PC: variants seen among roughly 807,000 people sequenced by gnomAD.
PC encodes pyruvate carboxylase.
In PC, 46 loss-of-function variants were observed where a neutral mutation model predicts 107.8. The observed-to-expected ratio is 0.43, with a 90% CI of 0.34 to 0.55. PC has a LOEUF of 0.55. Ranked by LOEUF, PC falls within the 20% of genes least tolerant of loss-of-function variation. The pLI is 0.04. For synonymous variants in PC, 662 were observed against 684.7 expected (o/e 0.97, Z 0.52); for missense variants, 1,241 against 1,643.1 (o/e 0.76, Z 4.23).
intron 3 of PC, among the ~76,000 whole-genome samples, chr11:66,913,951 C>G (rs1443373392): frequency 6.6e-6 from 1 of 152,086 alleles, no homozygotes; most frequent in Non-Finnish European, 1.5e-5. Flanking sequence ...TGCTACTGAC[C>G]CTGAGGACAC....
At chr11:66,868,118 C>T (rs922308686) in intron 10 of PC, among the ~76,000 whole-genome samples, 2 of 152,260 alleles carry the variant, frequency 1.3e-5, no homozygotes, top group Non-Finnish European at 2.9e-5. Context: ...GAGGGCTGTT[C>T]CGAGGGATGC....
In PC at chr11:66,852,696, G is replaced by T. The variant is rs531090927; in HGVS notation, c.1604-36C>A. ...CAGGGGCATTGGTGCCCATCCTGCA[G>T]GTGGCAACCTCCTGTCTCCCCCATG... On this transcript the variant is annotated intron_variant, in intron 14 of 22. Coordinates refer to ENST00000393960, the MANE Select transcript of PC (RefSeq NM_001040716.2). This position sits in a 1 kb window ranked among gnomAD's most constrained non-coding sequence, Gnocchi z 4.7. 2.5e-6 allele frequency: 4 copies of T among 1,611,432 alleles called. No homozygotes were observed. The East Asian group carries it at 8.9e-5, about 36-fold the overall frequency.
chr11:66,864,235 G>A (rs1946398224), intron 11 of PC, among the ~76,000 whole-genome samples: 1 of 152,280 alleles, frequency 6.6e-6, no homozygotes, highest in Non-Finnish European at 1.5e-5. Flanking sequence ...CGCAGAGCGG[G>A]AGAGGGGCCC....
At chr11:66,942,885 G>A (rs1203069063) in intron 3 of PC, among the ~76,000 whole-genome samples, 1 of 151,188 alleles carries the variant, frequency 6.6e-6, no homozygotes, top group African/African-American at 2.4e-5. Flanking sequence ...GTCTGGTGGC[G>A]GGCGTCTGTA....
intron 3 of PC, among the ~76,000 whole-genome samples, chr11:66,904,684 A>G (rs951008208): frequency 2.0e-5 from 3 of 152,262 alleles, no homozygotes; most frequent in Admixed American, 6.5e-5. Flanking sequence ...TGAAAGAGAA[A>G]GGACAAATAC....
At chr11:66,940,183 T>C (rs1034398789) in intron 3 of PC, among the ~76,000 whole-genome samples, 13 of 148,444 alleles carry the variant, frequency 8.8e-5, no homozygotes, top group African/African-American at 3.2e-4. Context: ...CGAGAATACA[T>C]AGAAAGTTCC....
rs1196710763 is a variant in PC, at chr11:66,850,080, G to T, written c.2755C>A (p.Gln919Lys). 6.2e-7 allele frequency: 1 copy of T among 1,613,704 alleles called. No individual in the cohort carries two copies. Among genetic ancestry groups the T allele is most frequent in the Admixed American group, 1.7e-5 (1 of 60,030 alleles). ...PSSKIVGDLA[Q>K]FMVQNGLSRA... ...CTCAATCCATTCTGCACCATAAACT[G>T]GGCCAGGTCCCCCACGATCTTGGAG... is the stretch of plus-strand genomic sequence containing the variant. The change falls in exon 20 of 23, where the codon CAG becomes AAG. Residue 919 changes from glutamine to lysine, a missense_variant. By Grantham distance (53) the Gln-to-Lys change is moderately conservative. This residue lies in a region of PC where 1,143 missense variants were observed against 1,551.9 expected (regional missense o/e 0.74). Coordinates refer to ENST00000393960, the MANE Select transcript of PC (RefSeq NM_001040716.2).
At chr11:66,948,159 AT>A (rs935504291) in intron 3 of PC, among the ~76,000 whole-genome samples, 97 of 151,526 alleles carry the variant, frequency 6.4e-4, no homozygotes, top group African/African-American at 2.3e-3. Context: ...GTGAGCTATG[AT>A]CACGCCGCTA....
intron 12 of PC, chr11:66,859,061 C>A: frequency 6.7e-7 from 1 of 1,497,036 alleles, no homozygotes; most frequent in Non-Finnish European, 8.9e-7. Flanking sequence ...AAATCCAGTA[C>A]AACAGCAGCG....
chr11:66,894,584 G>C (rs1947684207), intron 3 of PC, among the ~76,000 whole-genome samples: 1 of 152,236 alleles, frequency 6.6e-6, no homozygotes, highest in South Asian at 2.1e-4. Flanking sequence ...CACAGCCTGG[G>C]TCTGGAGCAG....
chr11:66,892,068 C>T (rs1004051320), intron 3 of PC, among the ~76,000 whole-genome samples: 2 of 151,994 alleles, frequency 1.3e-5, no homozygotes, highest in African/African-American at 4.8e-5. Flanking sequence ...CCATGGCAGA[C>T]GCTTGGGAGG....
At chr11:66,851,372 T>C (rs115582831) in intron 16 of PC, 92 bp from the exon 17 acceptor site, 1 of 1,564,022 alleles carries the variant, frequency 6.4e-7, no homozygotes, top group Non-Finnish European at 8.7e-7. Flanking sequence ...CTATGGCCCC[T>C]GGGGAATGAG....
chr11:66,956,272 C>T (rs1362904889), intron 1 of PC, among the ~76,000 whole-genome samples: 1 of 152,096 alleles, frequency 6.6e-6, no homozygotes, highest in African/African-American at 2.4e-5. Context: ...CCTTCCTCTT[C>T]CAGTTCTAAT....
At chr11:66,912,836 G>A (rs779403787) in intron 3 of PC, among the ~76,000 whole-genome samples, 2 of 152,144 alleles carry the variant, frequency 1.3e-5, no homozygotes, top group Non-Finnish European at 2.9e-5. Context: ...ACCCTGGGGT[G>A]GGGAGGGGTC....
chr11:66,866,307 C>G lies in PC; in HGVS notation c.1065G>C (p.Arg355Ser). 6.2e-7 allele frequency: 1 copy of G among 1,613,246 alleles called. No individual in the cohort carries two copies. The highest frequency in any genetic ancestry group is 8.5e-7 in the Non-Finnish European group (1 of 1,179,898). Residue 355 changes from arginine to serine, a missense_variant, in exon 11 of 23, where the codon AGG (arginine) becomes AGC (serine). Around this residue, in one of 2 missense-constraint regions of PC, gnomAD observed 1,143 missense variants for 1,551.9 expected, o/e 0.74. Coordinates refer to ENST00000393960, the MANE Select transcript of PC (RefSeq NM_001040716.2). This position sits in a 1 kb window ranked among gnomAD's most constrained non-coding sequence, Gnocchi z 5.4. Reference protein sequence around the residue: ...VHAQIHVAEGRSLPDLGLRQE... With the variant: ...VHAQIHVAEGSSLPDLGLRQE... Reference sequence around the variant, plus strand: ...GCCGCAGGCCCAGGTCGGGTAGGCTCCTGCCCTCAGCCACGTGGATCTGAG... The same window carrying G: ...GCCGCAGGCCCAGGTCGGGTAGGCTGCTGCCCTCAGCCACGTGGATCTGAG...
chr11:66,849,884 T>C, intron 20 of PC, 25 bp from the exon 21 acceptor site: 1 of 1,613,494 alleles, frequency 6.2e-7, no homozygotes, highest in Non-Finnish European at 8.5e-7. Context: ...AGAGGATCAG[T>C]CCCAAGTCCT....
chr11:66,866,120 C>G lies in PC; in HGVS notation c.1185+67G>C. On this transcript the variant is annotated intron_variant, in intron 11 of 22. Transcript: ENST00000393960. The surrounding 1 kb of genome is among the most constrained non-coding windows in gnomAD (Gnocchi z 5.4). ...GGGCTGTGGCAACTTGGCACTGCAG[C>G]CCCAGGCACCAGGCAGAACCTGTGC... 1 of 1,552,144 alleles carries G rather than the reference C, an allele frequency of 6.4e-7. No individual in the cohort carries two copies. The highest frequency in any genetic ancestry group is 1.7e-5 in the Admixed American group (1 of 58,946).
At chr11:66,853,461 A>T in intron 12 of PC, 78 bp from the exon 13 acceptor site, 1 of 1,562,000 alleles carries the variant, frequency 6.4e-7, no homozygotes, top group Non-Finnish European at 8.8e-7. Flanking sequence ...GCTGAAAGAG[A>T]AAAGGCTGAA....
intron 3 of PC, among the ~76,000 whole-genome samples, chr11:66,942,740 C>T (rs990812602): frequency 3.3e-5 from 5 of 152,046 alleles, no homozygotes; most frequent in African/African-American, 7.2e-5. Flanking sequence ...CGGCTGGGTG[C>T]GATGGCTCAC....
Sources: allele counts gnomAD v4.1 joint callset (sites outside exome capture counted in the v4.1 genomes callset), GRCh38; gene constraint gnomAD v4.1.1; regional missense constraint gnomAD v4.1.1; non-coding constraint Gnocchi (gnomAD v3.1); transcripts MANE v1.5; gene names NCBI Gene and HGNC (gene_info 2026-07-23, HGNC 2026-07-21).